RBM17: variants seen among roughly 807,000 people sequenced by gnomAD.
The protein encoded by RBM17 is splicing factor 45.
In RBM17, 7 loss-of-function variants were observed where a neutral mutation model predicts 53.2. That is an observed-to-expected ratio of 0.13 (90% confidence interval 0.07 to 0.25). The LOEUF (loss-of-function observed/expected upper bound fraction) is 0.25. Ranked by LOEUF, RBM17 falls within the 10% of genes least tolerant of loss-of-function variation. RBM17 has a pLI of 1.00. For missense variants in RBM17, 257 were observed against 496.7 expected (o/e 0.52, Z 4.59); for synonymous variants, 167 against 178.1 (o/e 0.94, Z 0.50).
At chr10:6,105,613 T>C (rs1840737533) in intron 4 of RBM17, among the ~76,000 whole-genome samples, 2 of 152,252 alleles carry the variant, frequency 1.3e-5, no homozygotes, top group South Asian at 2.1e-4. Flanking sequence ...GTACTTGAAA[T>C]ATTCTTCTTA....
At chr10:6,094,803 G>T (rs1840547943) in intron 1 of RBM17, among the ~76,000 whole-genome samples, 1 of 152,226 alleles carries the variant, frequency 6.6e-6, no homozygotes, top group Non-Finnish European at 1.5e-5. Flanking sequence ...GTGCAGTGTT[G>T]TTCCTTCTGG....
chr10:6,092,475 A>G (rs1392462262), intron 1 of RBM17, among the ~76,000 whole-genome samples: 2 of 152,250 alleles, frequency 1.3e-5, no homozygotes, highest in Admixed American at 6.5e-5. Flanking sequence ...ACATAAAAGG[A>G]GGAAAGCAAG....
intron 1 of RBM17, 117 bp from the exon 2 acceptor site, chr10:6,096,931 C>G: frequency 1.3e-6 from 1 of 799,882 alleles, no homozygotes; most frequent in Non-Finnish European, 2.0e-6. Context: ...GAGCCTGGGC[C>G]TCTGTTGCTG....
chr10:6,094,928 G>C (rs1840549783), intron 1 of RBM17, among the ~76,000 whole-genome samples: 1 of 152,140 alleles, frequency 6.6e-6, no homozygotes, highest in African/African-American at 2.4e-5. Flanking sequence ...CTTAGTCTGG[G>C]GATAGAGCAG....
intron 1 of RBM17, among the ~76,000 whole-genome samples, chr10:6,095,686 T>C (rs1840561319): frequency 6.6e-6 from 1 of 152,114 alleles, no homozygotes; most frequent in African/African-American, 2.4e-5. Context: ...AACTAAAAAG[T>C]GGTGACAGTT....
rs1430147554 is a variant in RBM17, at chr10:6,117,082, A to C, written c.*1526A>C. 1 of 152,400 alleles carries C rather than the reference A, an allele frequency of 6.6e-6. No homozygotes were observed. The highest frequency in any genetic ancestry group is 2.4e-5 in the African/African-American group (1 of 41,462). The allele number at this position is 152,400 out of a possible 1,614,324, so 9.4% of individuals were successfully genotyped here. A position where few individuals can be genotyped will look rare whatever the true frequency, so the allele number is the denominator to read the frequency against. ...TTTAATTTTAGAAACTAATGGTTCC[A>C]ACCCACCTTTCATGCATGCATTTAT... On this transcript the variant is annotated 3_prime_UTR_variant, in exon 12 of 12. Coordinates refer to ENST00000379888, the MANE Select transcript of RBM17 (RefSeq NM_032905.5).
chr10:6,094,181 T>C (rs1236776768), intron 1 of RBM17, among the ~76,000 whole-genome samples: 1 of 152,010 alleles, frequency 6.6e-6, no homozygotes, highest in East Asian at 1.9e-4. Flanking sequence ...GGTTTCACCG[T>C]GTTAGCCAGG....
At chr10:6,095,787 C>G (rs767031940) in intron 1 of RBM17, among the ~76,000 whole-genome samples, 1 of 152,152 alleles carries the variant, frequency 6.6e-6, no homozygotes, top group African/African-American at 2.4e-5. Flanking sequence ...CACTCCGTCC[C>G]CCACTCCACA....
At chr10:6,098,563 G>T (rs7910691) in intron 2 of RBM17, among the ~76,000 whole-genome samples, 14,012 of 45,696 alleles carry the variant, frequency 0.31, 2,120 homozygotes, top group South Asian at 0.34. Context: ...CAGGTTTTTT[G>T]TTTTTTTTTT....
intron 5 of RBM17, among the ~76,000 whole-genome samples, chr10:6,107,767 C>G (rs1274823278): frequency 1.3e-5 from 2 of 152,090 alleles, no homozygotes; most frequent in Non-Finnish European, 2.9e-5. Context: ...CAGGAGTGAA[C>G]CACTGCGTCC....
intron 11 of RBM17, 40 bp downstream of exon 11, chr10:6,115,351 A>G: frequency 6.4e-7 from 1 of 1,560,670 alleles, no homozygotes; most frequent in South Asian, 1.1e-5. Context: ...AAAAAAGTTG[A>G]ATTTACAGCC....
chr10:6,098,343 A>G (rs1840609741), intron 2 of RBM17, among the ~76,000 whole-genome samples: 1 of 152,052 alleles, frequency 6.6e-6, no homozygotes, highest in Non-Finnish European at 1.5e-5. Context: ...AAGTTGAGAA[A>G]AAGTACTTTA....
rs529791063 is a variant in RBM17, at chr10:6,089,120, G to C, written c.-92G>C. ...CGCCGAGGCCTCCTGCCGCTGGCGG[G>C]TTTCCGCGGAGTGCCGCCCGGCTCC... On this transcript the variant is annotated 5_prime_UTR_variant, in exon 1 of 12. Transcript: ENST00000379888. The surrounding 1 kb of genome is among the most constrained non-coding windows in gnomAD (Gnocchi z 5.6). The C allele has an allele frequency of 1.4e-4, 23 of 160,662 alleles. No homozygotes were observed. In the South Asian group the frequency reaches 2.2e-3, roughly 15 times the overall value. The allele number at this position is 160,662 out of a possible 1,614,324, so 10.0% of individuals were successfully genotyped here. A position where few individuals can be genotyped will look rare whatever the true frequency, so the allele number is the denominator to read the frequency against.
At chr10:6,092,052 T>C (rs1447568694) in intron 1 of RBM17, among the ~76,000 whole-genome samples, 8 of 152,238 alleles carry the variant, frequency 5.3e-5, no homozygotes, top group Non-Finnish European at 1.2e-4. Context: ...ACCATGTTTG[T>C]TATGTTTCCT....
In RBM17 at chr10:6,112,780, C is replaced by A; in HGVS notation, c.856+419C>A. The A allele has an allele frequency of 3.9e-6, 1 of 255,752 alleles. No individual in the cohort carries two copies. Among genetic ancestry groups the A allele is most frequent in the South Asian group, 4.7e-5 (1 of 21,110 alleles). The allele number at this position is 255,752 out of a possible 1,614,324, so 15.8% of individuals were successfully genotyped here. On this transcript the variant is annotated intron_variant, in intron 8 of 11. Transcript: ENST00000379888. The surrounding 1 kb of genome is among the most constrained non-coding windows in gnomAD (Gnocchi z 4.4). ...TCTCTACTTTTCCCTTTTGCCCTTT[C>A]AGTATAGATGTGATTTCTGATTCTC...
chr10:6,092,676 A>T (rs1840504912), intron 1 of RBM17, among the ~76,000 whole-genome samples: 1 of 152,258 alleles, frequency 6.6e-6, no homozygotes, highest in Non-Finnish European at 1.5e-5. Flanking sequence ...TGTTACTATG[A>T]TTAATCCCAT....
intron 2 of RBM17, among the ~76,000 whole-genome samples, chr10:6,098,409 C>G (rs938565312): frequency 2.6e-5 from 4 of 152,016 alleles, no homozygotes; most frequent in Non-Finnish European, 5.9e-5. Context: ...GGATTTACTT[C>G]TAAACAATTC....
At chr10:6,108,583 G>A in intron 5 of RBM17, 103 bp from the exon 6 acceptor site, 1 of 846,232 alleles carries the variant, frequency 1.2e-6, no homozygotes, top group Non-Finnish European at 1.9e-6. Flanking sequence ...TCCTTTTTTA[G>A]TTTTTTCTTA....
In RBM17 at chr10:6,112,884, T is replaced by A. The variant is rs1840860976; in HGVS notation, c.856+523T>A. 1 of 173,194 alleles carries A rather than the reference T, an allele frequency of 5.8e-6. No individual in the cohort carries two copies. Among genetic ancestry groups the A allele is most frequent in the Admixed American group, 5.4e-5 (1 of 18,580 alleles). The allele number at this position is 173,194 out of a possible 1,614,324, so 10.7% of individuals were successfully genotyped here. A position where few individuals can be genotyped will look rare whatever the true frequency, so the allele number is the denominator to read the frequency against. Reference sequence around the variant, plus strand: ...ATGATGCCTAGTTGGTGTTTTATTTTCATTTAATTTTTACAGTCTGTTCTG... The same window carrying A: ...ATGATGCCTAGTTGGTGTTTTATTTACATTTAATTTTTACAGTCTGTTCTG... On this transcript the variant is annotated intron_variant, in intron 8 of 11. Coordinates refer to ENST00000379888, the MANE Select transcript of RBM17 (RefSeq NM_032905.5). This position sits in a 1 kb window ranked among gnomAD's most constrained non-coding sequence, Gnocchi z 4.4.
Sources: allele counts gnomAD v4.1 joint callset (sites outside exome capture counted in the v4.1 genomes callset), GRCh38; gene constraint gnomAD v4.1.1; non-coding constraint Gnocchi (gnomAD v3.1); transcripts MANE v1.5; gene names NCBI Gene and HGNC (gene_info 2026-07-23, HGNC 2026-07-21).